CCDC12: variants seen among roughly 807,000 people sequenced by gnomAD.
CCDC12 encodes coiled-coil domain containing 12, also known as coiled-coil domain-containing protein 12.
Under a neutral mutation model 25.7 loss-of-function variants are expected in CCDC12, and 28 were observed. That is an observed-to-expected ratio of 1.09 (90% CI 0.81 to 1.50). The LOEUF (loss-of-function observed/expected upper bound fraction) is 1.50, where lower values mean the gene tolerates loss of function less well. CCDC12 is among the 40% of genes most tolerant of loss of function. CCDC12 has a pLI of 0.00. For missense variants in CCDC12, 198 were observed against 210.0 expected (o/e 0.94, Z 0.35); for synonymous variants, 75 against 87.7 (o/e 0.86, Z 0.81).
intron 2 of CCDC12, among the ~76,000 whole-genome samples, chr3:46,932,860 CCA>C (rs1190558947): frequency 6.6e-6 from 1 of 152,258 alleles, no homozygotes; most frequent in Non-Finnish European, 1.5e-5. Context: ...GACCACCCTT[CCA>C]CAGAGGAAGA....
At chr3:46,963,899 A>G (rs1205409883) in intron 1 of CCDC12, among the ~76,000 whole-genome samples, 4 of 151,958 alleles carry the variant, frequency 2.6e-5, no homozygotes, top group Admixed American at 1.3e-4. Flanking sequence ...AGTGAGGAGC[A>G]TCTCTGCCTG....
chr3:46,974,296 G>A (rs942877780), intron 1 of CCDC12, among the ~76,000 whole-genome samples: 4 of 152,194 alleles, frequency 2.6e-5, no homozygotes, highest in African/African-American at 9.7e-5. Context: ...TAAATTGTAT[G>A]TGTATTTTCC....
chr3:46,922,323 G>C lies in CCDC12; in HGVS notation c.342-11C>G. The C allele has an allele frequency of 6.2e-7, 1 of 1,614,202 alleles. No homozygotes were observed. Among genetic ancestry groups the C allele is most frequent in the Non-Finnish European group, 8.5e-7 (1 of 1,179,998 alleles). ...TCTCTCTTGAGGTCCCTGGAGCAGGGAGGCAGGGAGAAGCAGGAAGGTGAA... is the reference window on the plus strand; with the variant it reads ...TCTCTCTTGAGGTCCCTGGAGCAGGCAGGCAGGGAGAAGCAGGAAGGTGAA... On this transcript the variant is annotated splice_polypyrimidine_tract_variant and intron_variant, in intron 5 of 6. Coordinates refer to ENST00000683445, the MANE Select transcript of CCDC12 (RefSeq NM_001277074.2).
At position 46,951,798 on chromosome 3, in the gene CCDC12, A is replaced by AAAAAAAAAAAAAATAT; in HGVS notation, c.97-10734_97-10733insATATTTTTTTTTTTTT. 4.7e-3 allele frequency among the ~76,000 whole-genome samples: 40 copies of AAAAAAAAAAAAAATAT among 8,456 alleles called. 2 individuals are homozygous for AAAAAAAAAAAAAATAT. The highest frequency in any genetic ancestry group is 0.037 in the South Asian group (2 of 54). The allele number at this position is 8,456 out of a possible 152,430, so 5.5% of individuals were successfully genotyped here. Reference sequence around the variant, plus strand: ...CCGTCTCAAAAAAAAAAAAAAAAAAAATATATATATATATATATATATATA... The same window carrying AAAAAAAAAAAAAATAT: ...CCGTCTCAAAAAAAAAAAAAAAAAAAAAAAAAAAAAAAATATATATATATATATATATATATATATA... On this transcript the variant is annotated intron_variant, in intron 1 of 6. Transcript: ENST00000683445.
chr3:46,960,763 G>A (rs938412051), intron 1 of CCDC12, among the ~76,000 whole-genome samples: 1 of 152,240 alleles, frequency 6.6e-6, no homozygotes, highest in Non-Finnish European at 1.5e-5. Context: ...TATCAAGCTC[G>A]CTATGGGGTC....
At chr3:46,967,527 C>G (rs2034676822) in intron 1 of CCDC12, among the ~76,000 whole-genome samples, 1 of 152,190 alleles carries the variant, frequency 6.6e-6, no homozygotes, top group African/African-American at 2.4e-5. Context: ...TCCTCCATCC[C>G]CGTCTCAGAA....
At chr3:46,924,120 T>A (rs115267277) in intron 3 of CCDC12, 2 of 155,752 alleles carry the variant, frequency 1.3e-5, no homozygotes, top group African/African-American at 4.8e-5. Flanking sequence ...CACAGGCACC[T>A]CCCAGCTCCT....
chr3:46,963,482 T>C (rs1575561116), intron 1 of CCDC12, among the ~76,000 whole-genome samples: 2 of 151,848 alleles, frequency 1.3e-5, no homozygotes, highest in Admixed American at 1.3e-4. Context: ...TCCCTCTCTT[T>C]CCACGGTCTC....
At chr3:46,973,773 C>T (rs1216721501) in intron 1 of CCDC12, among the ~76,000 whole-genome samples, 5 of 151,746 alleles carry the variant, frequency 3.3e-5, no homozygotes, top group African/African-American at 1.2e-4. Context: ...CCACCGCGCT[C>T]GGCTAATTTT....
At chr3:46,923,521 G>T in intron 4 of CCDC12, 86 bp downstream of exon 4, 2 of 1,477,896 alleles carry the variant, frequency 1.4e-6, no homozygotes, top group Non-Finnish European at 1.9e-6. Flanking sequence ...TGACGAGAAG[G>T]AATGGGGGGC....
chr3:46,933,070 C>G (rs1654682584), intron 2 of CCDC12, among the ~76,000 whole-genome samples: 1 of 152,196 alleles, frequency 6.6e-6, no homozygotes, highest in African/African-American at 2.4e-5. Flanking sequence ...GTGACTGGGG[C>G]CTGGCCAGGG....
intron 2 of CCDC12, among the ~76,000 whole-genome samples, chr3:46,935,594 T>G (rs2033412006): frequency 6.6e-6 from 1 of 151,974 alleles, no homozygotes; most frequent in Non-Finnish European, 1.5e-5. Flanking sequence ...AGGGCACATC[T>G]TATCTGGGCA....
chr3:46,935,824 G>C (rs763210957), intron 2 of CCDC12, among the ~76,000 whole-genome samples: 8 of 152,220 alleles, frequency 5.3e-5, no homozygotes, highest in Non-Finnish European at 1.2e-4. Context: ...TATGGGGATA[G>C]GACAGGATTT....
Position 46,922,517 on chromosome 3 carries a change from G to C in CCDC12, c.342-205C>G, listed in dbSNP as rs2032728007. On this transcript the variant is annotated intron_variant, in intron 5 of 6. Coordinates refer to ENST00000683445, the MANE Select transcript of CCDC12 (RefSeq NM_001277074.2). ...TCATTCCCTGTCCCACTGAGGCAGGGGGACTAGCATCACAAACCCACCCAA... is the reference window on the plus strand; with the variant it reads ...TCATTCCCTGTCCCACTGAGGCAGGCGGACTAGCATCACAAACCCACCCAA... 1.5e-5 allele frequency: 9 copies of C among 612,482 alleles called. No individual in the cohort carries two copies. The East Asian group carries it at 2.5e-4, about 17-fold the overall frequency. 37.9% of individuals were successfully genotyped at this position (612,482 alleles called of 1,614,324 possible).
At chr3:46,971,873 T>C (rs890984458) in intron 1 of CCDC12, among the ~76,000 whole-genome samples, 3 of 152,116 alleles carry the variant, frequency 2.0e-5, no homozygotes, top group Non-Finnish European at 2.9e-5. Flanking sequence ...ATCAGAAACC[T>C]GAACTAAAAA....
At chr3:46,976,561 C>A in intron 1 of CCDC12, 76 bp downstream of exon 1, 1 of 1,542,012 alleles carries the variant, frequency 6.5e-7, no homozygotes, top group Non-Finnish European at 8.8e-7. Context: ...CTTATTAGCC[C>A]TTTGCTCTCC....
intron 1 of CCDC12, chr3:46,966,165 A>C (rs2034633003): frequency 6.6e-6 from 1 of 152,360 alleles, no homozygotes. Flanking sequence ...GGGAGGGGGG[A>C]GTGTACATTT....
intron 2 of CCDC12, among the ~76,000 whole-genome samples, chr3:46,939,352 C>T (rs762773723): frequency 2.9e-4 from 44 of 152,052 alleles, no homozygotes; most frequent in African/African-American, 1.0e-3. Context: ...TCTCTCTCAT[C>T]GAGGAGGGGG....
intron 1 of CCDC12, among the ~76,000 whole-genome samples, chr3:46,972,694 G>C (rs2034839983): frequency 6.6e-6 from 1 of 151,584 alleles, no homozygotes; most frequent in Non-Finnish European, 1.5e-5. Flanking sequence ...AGCATTTTTG[G>C]AGGCCAAGGC....
Sources: allele counts gnomAD v4.1 joint callset (sites outside exome capture counted in the v4.1 genomes callset), GRCh38; gene constraint gnomAD v4.1.1; transcripts MANE v1.5; gene names NCBI Gene and HGNC (gene_info 2026-07-23, HGNC 2026-07-21).